Variants in ZNF823 observed in about 807,000 individuals in gnomAD.
ZNF823 encodes ZFP 36 for a zinc finger protein.
Under a neutral mutation model 11.4 loss-of-function variants are expected in ZNF823, and 5 were observed. The observed-to-expected ratio is 0.44, with a 90% CI of 0.23 to 0.92. ZNF823 has a LOEUF of 0.92. Ranked by LOEUF, ZNF823 falls within the 40% of genes least tolerant of loss-of-function variation. The pLI, the probability that ZNF823 is intolerant of heterozygous loss-of-function variation, is 0.24. For missense variants in ZNF823, 582 were observed against 738.5 expected, an observed-to-expected ratio of 0.79 and a Z score of 2.46; for synonymous variants, 234 against 250.5, an observed-to-expected ratio of 0.93 and a Z score of 0.62.
At chr19:11,733,225 GGCGTGGTGGCACGCGCCTGTAGTCCCA>G (rs1221878064) in intron 1 of ZNF823, among the ~76,000 whole-genome samples, 1 of 151,850 alleles carries the variant, frequency 6.6e-6, no homozygotes, top group Non-Finnish European at 1.5e-5. Flanking sequence ...AAATTAGTTG[GGCGTGGTGGCACGCGCCTGTAGTCCCA>G]GCTACTCAGG....
At chr19:11,737,313 G>A (rs146157415) in intron 1 of ZNF823, among the ~76,000 whole-genome samples, 2,056 of 152,186 alleles carry the variant, frequency 0.014, 55 homozygotes, top group East Asian at 0.1. Context: ...GCCCAGGCTG[G>A]AGTGCAATGG....
rs1205815882 is a variant in ZNF823 at position 11,722,074 on chromosome 19, G to A, written c.1460C>T (p.Ser487Phe). ...GKAFSCFKYLSQHKRTHTVEK... is the reference protein window; with the variant it reads ...GKAFSCFKYLFQHKRTHTVEK... The stretch of plus-strand genomic sequence containing the variant: ...TACTGTGTGGGTCCTTTTATGTTGA[G>A]AAAGGTATTTGAAACAACTGAATGC... The change falls in exon 4 of 4, where the codon TCT becomes TTT. Residue 487 changes from serine (S) to phenylalanine (F), a missense_variant. Physicochemically the swap from Ser to Phe is radical, Grantham distance 155 (BLOSUM62 -2). Transcript: ENST00000341191. This position sits in a 1 kb window ranked among gnomAD's most constrained non-coding sequence, Gnocchi z 5.2. 1.2e-6 allele frequency: 2 copies of A among 1,609,798 alleles called. No individual in the cohort carries two copies. The highest frequency in any genetic ancestry group is 1.1e-5 in the South Asian group (1 of 90,576).
intron 1 of ZNF823, chr19:11,726,073 C>CAAAAAAAAAAA (rs4052622): frequency 2.4e-5 from 2 of 84,706 alleles, no homozygotes; most frequent in African/African-American, 4.0e-5. Context: ...ATAAAAAATA[C>CAAAAAAAAAAA]AAAAAAAAAA....
rs78079733 is a variant in ZNF823, at chr19:11,737,675, C to G, written c.3+1142G>C. Among the ~76,000 whole-genome samples, 42 of 149,994 alleles carry G rather than the reference C, an allele frequency of 2.8e-4. No homozygotes were observed. In the East Asian group the frequency reaches 7.9e-3, roughly 28 times the overall value. ...ATCTTTTAAAAAGAGCCATACATTGCTATGTGAAAAGAAAGTGACAATTAA... is the reference window on the plus strand; with the variant it reads ...ATCTTTTAAAAAGAGCCATACATTGGTATGTGAAAAGAAAGTGACAATTAA... On this transcript the variant is annotated intron_variant, in intron 1 of 3. Coordinates refer to ENST00000341191, the MANE Select transcript of ZNF823 (RefSeq NM_001080493.4).
Position 11,722,921 on chromosome 19 carries a change from T to C in ZNF823, c.613A>G (p.Ser205Gly). ...GTTCTTTCGTGCAAATGAAATAAAC[T>C]GGGCCAAACAAAGGCTTTCCCACAC... ...KLCGKAFVWP[S>G]LFHLHERTHT... Residue 205 changes from serine (S) to glycine (G), a missense_variant, in exon 4 of 4, where the codon AGT (serine) becomes GGT (glycine). Coordinates refer to ENST00000341191, the MANE Select transcript of ZNF823 (RefSeq NM_001080493.4). The surrounding 1 kb of genome is among the most constrained non-coding windows in gnomAD (Gnocchi z 5.2). The C allele has an allele frequency of 1.2e-6, 2 of 1,614,206 alleles. No homozygotes were observed. Among genetic ancestry groups the C allele is most frequent in the Non-Finnish European group, 1.7e-6 (2 of 1,180,028 alleles).
At chr19:11,728,434 A>C (rs1029476208) in intron 1 of ZNF823, among the ~76,000 whole-genome samples, 4 of 152,196 alleles carry the variant, frequency 2.6e-5, no homozygotes, top group Non-Finnish European at 5.9e-5. Flanking sequence ...TAACAGATAC[A>C]AATTTGTTTG....
chr19:11,724,972 TGTTATCCATAAGTGG>T (rs1159725598), intron 2 of ZNF823, among the ~76,000 whole-genome samples: 3 of 152,220 alleles, frequency 2.0e-5, no homozygotes, highest in Admixed American at 2.0e-4. Context: ...CTAATGTTTA[TGTTATCCATAAGTGG>T]GCCAGTCAAC....
chr19:11,728,298 G>A (rs182010242), intron 1 of ZNF823, among the ~76,000 whole-genome samples: 24 of 152,288 alleles, frequency 1.6e-4, no homozygotes, highest in Non-Finnish European at 1.5e-4. Context: ...ACAGATTACG[G>A]TTAAGACGAA....
chr19:11,738,704 A>T, intron 1 of ZNF823, 113 bp downstream of exon 1: 1 of 1,368,692 alleles, frequency 7.3e-7, no homozygotes, highest in Non-Finnish European at 9.7e-7. Flanking sequence ...GGGCACTGGG[A>T]TTTGCAGACC....
chr19:11,724,120 C>A, intron 3 of ZNF823, 74 bp downstream of exon 3: 1 of 1,252,236 alleles, frequency 8.0e-7, no homozygotes, highest in Non-Finnish European at 1.1e-6. Flanking sequence ...ATTTTCTCTG[C>A]TCGTTTTTAA....
intron 1 of ZNF823, among the ~76,000 whole-genome samples, chr19:11,737,096 G>T (rs1425518456): frequency 6.6e-6 from 1 of 152,120 alleles, no homozygotes. Flanking sequence ...GCAGCTATGA[G>T]CATCTTGGAG....
rs200061671 is a variant in ZNF823 at position 11,722,284 on chromosome 19, T to C, written c.1250A>G (p.Gln417Arg). The C allele has an allele frequency of 3.7e-3, 6,002 of 1,614,192 alleles. 11 individuals are homozygous for C. Among genetic ancestry groups the C allele is most frequent in the Non-Finnish European group, 4.7e-3 (5,514 of 1,180,026 alleles). Residue 417 changes from glutamine to arginine, a missense_variant, in exon 4 of 4, where the codon CAA becomes CGA. This residue lies in a region of ZNF823 where 429 missense variants were observed against 553.7 expected (regional missense o/e 0.77). Coordinates refer to ENST00000341191, the MANE Select transcript of ZNF823 (RefSeq NM_001080493.4). This position sits in a 1 kb window ranked among gnomAD's most constrained non-coding sequence, Gnocchi z 5.2. ...ERTHTGEKPY[Q>R]CKQCGKAFSL... ...GAAGGCTTTACCACATTGTTTACAT[T>C]GATAGGGTTTCTCTCCAGTGTGAGT...
At chr19:11,735,295 AAAAAAG>A (rs1172340291) in intron 1 of ZNF823, among the ~76,000 whole-genome samples, 3 of 151,856 alleles carry the variant, frequency 2.0e-5, no homozygotes, top group Non-Finnish European at 4.4e-5. Context: ...AAAAAAAAAA[AAAAAAG>A]AAAAGCAATT....
Position 11,732,594 on chromosome 19 carries a change from C to T in ZNF823, c.3+6223G>A, listed in dbSNP as rs542373897. On this transcript the variant is annotated intron_variant, in intron 1 of 3. Coordinates refer to ENST00000341191, the MANE Select transcript of ZNF823 (RefSeq NM_001080493.4). ...GATTACAGGCGTGAGCCACCGCGCC[C>T]GGCCATTTTTTTGTATTTTTAGTAG... Among the ~76,000 whole-genome samples, 254 of 151,444 alleles carry T rather than the reference C, an allele frequency of 1.7e-3. 1 individual carries two copies. Among genetic ancestry groups the T allele is most frequent in the African/African-American group, 5.7e-3 (236 of 41,186 alleles).
At chr19:11,727,815 C>A (rs971476759) in intron 1 of ZNF823, among the ~76,000 whole-genome samples, 2 of 152,090 alleles carry the variant, frequency 1.3e-5, no homozygotes, top group Non-Finnish European at 2.9e-5. Flanking sequence ...GTCTTACTTG[C>A]AAATTATTGC....
At chr19:11,730,806 C>T (rs948692288) in intron 1 of ZNF823, 1 of 152,048 alleles carries the variant, frequency 6.6e-6, no homozygotes, top group Non-Finnish European at 1.5e-5. Flanking sequence ...TAATCCACAA[C>T]CCAGCACATT....
chr19:11,728,768 T>C (rs1010111076), intron 1 of ZNF823, among the ~76,000 whole-genome samples: 4 of 152,114 alleles, frequency 2.6e-5, no homozygotes, highest in African/African-American at 9.7e-5. Context: ...AGTATAAGAA[T>C]AGAAAACAAT....
At chr19:11,737,271 T>C (rs925787308) in intron 1 of ZNF823, among the ~76,000 whole-genome samples, 2 of 152,112 alleles carry the variant, frequency 1.3e-5, no homozygotes, top group African/African-American at 4.8e-5. Context: ...TTTTTCTTTT[T>C]CTTTTTTCTG....
intron 1 of ZNF823, among the ~76,000 whole-genome samples, chr19:11,732,595 G>A (rs1240005678): frequency 2.0e-5 from 3 of 151,840 alleles, no homozygotes; most frequent in Admixed American, 6.6e-5. Flanking sequence ...CACCGCGCCC[G>A]GCCATTTTTT....
Sources: gnomAD v4.1 joint callset for allele counts (sites outside exome capture counted in the v4.1 genomes callset) on GRCh38, gnomAD v4.1.1 for gene constraint, gnomAD v4.1.1 regional missense constraint, Gnocchi (gnomAD v3.1) non-coding constraint, MANE v1.5 for transcripts, NCBI Gene and HGNC (gene_info 2026-07-23, HGNC 2026-07-21) for gene names.